CDH23: variants seen among roughly 807,000 people sequenced by gnomAD.
CDH23 encodes cadherin related 23.
Under a neutral mutation model 317.1 loss-of-function variants are expected in CDH23, and 189 were observed. The ratio of observed to expected loss-of-function variants is 0.60; its 90% CI spans 0.53 to 0.67. The LOEUF is 0.67. Ranked by LOEUF, CDH23 falls within the 30% of genes least tolerant of loss-of-function variation. The pLI, the probability that CDH23 is intolerant of heterozygous loss-of-function variation, is 0.00. For synonymous variants in CDH23, 1,839 were observed against 1,876.8 expected, an observed-to-expected ratio of 0.98 and a Z score of 0.52; for missense variants, 4,401 against 4,592.4, an observed-to-expected ratio of 0.96 and a Z score of 1.20.
At chr10:71,767,956 G>C (rs898355760) in intron 38 of CDH23, among the ~76,000 whole-genome samples, 1 of 152,178 alleles carries the variant, frequency 6.6e-6, no homozygotes, top group African/African-American at 2.4e-5. Flanking sequence ...GTCCCGGCCC[G>C]TGGATGCTTC....
chr10:71,409,393 G>T lies in CDH23; in HGVS notation c.-6+12075G>T, dbSNP rs181892607. 1.9e-3 allele frequency among the ~76,000 whole-genome samples: 294 copies of T among 152,292 alleles called. 2 individuals are homozygous for T. The South Asian group carries it at 0.028, about 15-fold the overall frequency. ...TAAACTCATTGTTTAAGAGCAAAGG[G>T]AACTGAGAGGAAACTGTACCGGGAG... On this transcript the variant is annotated intron_variant, in intron 1 of 69. Coordinates refer to ENST00000224721, the MANE Select transcript of CDH23 (RefSeq NM_022124.6).
chr10:71,444,025 G>A (rs1010178148), intron 2 of CDH23, among the ~76,000 whole-genome samples: 12 of 152,168 alleles, frequency 7.9e-5, no homozygotes, highest in African/African-American at 2.9e-4. Context: ...TTCCTCACTG[G>A]TTTCCTGGCC....
At chr10:71,652,885 C>A (rs770240998) in intron 14 of CDH23, among the ~76,000 whole-genome samples, 27 of 152,176 alleles carry the variant, frequency 1.8e-4, no homozygotes, top group South Asian at 8.3e-4. Context: ...TGGTTCAGGG[C>A]CTTCTGGGTT....
chr10:71,803,514 A>C (rs1054239310), intron 55 of CDH23, 94 bp downstream of exon 55: 5 of 1,177,146 alleles, frequency 4.2e-6, no homozygotes, highest in Non-Finnish European at 6.0e-6. Flanking sequence ...AAGGTGGGGA[A>C]ACTTGGCTTC....
intron 57 of CDH23, among the ~76,000 whole-genome samples, chr10:71,806,635 A>T (rs888175311): frequency 2.0e-5 from 3 of 148,886 alleles, no homozygotes; most frequent in African/African-American, 7.5e-5. Flanking sequence ...GCTGGAGTGC[A>T]GTGGCATGAC....
intron 11 of CDH23, among the ~76,000 whole-genome samples, chr10:71,629,315 G>C (rs1342469956): frequency 1.3e-5 from 2 of 152,254 alleles, no homozygotes; most frequent in Non-Finnish European, 1.5e-5. Flanking sequence ...TCCTGGGAGG[G>C]GCAGAACCAT....
intron 38 of CDH23, among the ~76,000 whole-genome samples, chr10:71,759,856 C>CACACATATATAT: frequency 9.0e-6 from 1 of 111,676 alleles, no homozygotes; most frequent in Non-Finnish European, 2.0e-5. Context: ...CATATACACA[C>CACACATATATAT]ACACACACAT....
At chr10:71,584,610 C>T (rs1201859737) in intron 9 of CDH23, among the ~76,000 whole-genome samples, 1 of 150,302 alleles carries the variant, frequency 6.7e-6, no homozygotes. Flanking sequence ...GTCAGACTTG[C>T]ACAACCTCAC....
intron 25 of CDH23, among the ~76,000 whole-genome samples, chr10:71,705,754 T>C (rs1865765132): frequency 6.6e-6 from 1 of 152,186 alleles, no homozygotes; most frequent in Non-Finnish European, 1.5e-5. Flanking sequence ...ACATGAGCTG[T>C]TGCCAAGGGG....
Position 71,784,284 on chromosome 10 carries a change from C to T in CDH23, c.5369-3C>T. 1 of 1,612,758 alleles carries T rather than the reference C, an allele frequency of 6.2e-7. No individual in the cohort carries two copies. The highest frequency in any genetic ancestry group is 1.1e-5 in the South Asian group (1 of 90,966). The stretch of plus-strand genomic sequence containing the variant: ...AACTTGGGCCTCTCCTGGTGACACC[C>T]AGGGGAGTTTGTGATCTCTCCTGTG... On this transcript the variant is annotated splice_polypyrimidine_tract_variant and splice_region_variant and intron_variant, in intron 41 of 69. Coordinates refer to ENST00000224721, the MANE Select transcript of CDH23 (RefSeq NM_022124.6).
At chr10:71,687,343 C>G (rs951399793) in intron 18 of CDH23, among the ~76,000 whole-genome samples, 1 of 152,112 alleles carries the variant, frequency 6.6e-6, no homozygotes, top group African/African-American at 2.4e-5. Context: ...CAGCGGGGAG[C>G]CTGGGGAGCT....
In CDH23 at chr10:71,460,325, G is replaced by A. The variant is rs949156937; in HGVS notation, c.145+13930G>A. On this transcript the variant is annotated intron_variant, in intron 3 of 69. Transcript: ENST00000224721. ...CCTCCAACCTTGGTCCCCTCTGGCC[G>A]TGTGCCCTTGGGCAAGGGAGAGGAT... 7.9e-5 allele frequency among the ~76,000 whole-genome samples: 12 copies of A among 152,364 alleles called. No homozygotes were observed. The South Asian group carries it at 1.4e-3, about 18-fold the overall frequency.
rs577257311 is a variant in CDH23, at chr10:71,756,780, C to T, written c.4845+14859C>T. On this transcript the variant is annotated intron_variant, in intron 38 of 69. Transcript: ENST00000224721. ...GGATACCTTGTCACAGTGTCAACTTCGCCCCAAAGAGCTCTGAGAGGTAAA... is the reference window on the plus strand; with the variant it reads ...GGATACCTTGTCACAGTGTCAACTTTGCCCCAAAGAGCTCTGAGAGGTAAA... Among the ~76,000 whole-genome samples the T allele has an allele frequency of 1.3e-3, 196 of 152,310 alleles. 1 individual carries two copies. The highest frequency in any genetic ancestry group is 2.4e-3 in the Non-Finnish European group (160 of 68,038).
rs1841459813 is a variant in CDH23, at chr10:71,798,343, C to T, written c.6830-11C>T. The stretch of plus-strand genomic sequence containing the variant: ...CCTTCCCCTCTCCCTCACTCCCTGC[C>T]TCCACCACAGCCAAGCTGACTGTCA... On this transcript the variant is annotated splice_polypyrimidine_tract_variant and intron_variant, in intron 49 of 69. Transcript: ENST00000224721. The T allele has an allele frequency of 6.8e-6, 11 of 1,607,024 alleles. No homozygotes were observed. The East Asian group carries it at 2.2e-4, about 33-fold the overall frequency.
Position 71,709,127 on chromosome 10 carries a change from G to A in CDH23, c.3136G>A (p.Gly1046Ser), listed in dbSNP as rs765847681. ...CAACGTGGATGGGAAGTTCAGCGTG[G>A]GTTACCGCGATGCCGTTGTGAGAAC... ...GGNVDGKFSV[G>S]YRDAVVRTVV... is the part of the protein sequence containing the mutation. The change falls in exon 27 of 70, where the codon GGT becomes AGT. Residue 1046 changes from glycine (G) to serine (S), a missense_variant. By Grantham distance (56) the Gly-to-Ser change is moderately conservative. Around this residue, in one of 3 missense-constraint regions of CDH23, gnomAD observed 3,068 missense variants for 3,203.3 expected, o/e 0.96. Coordinates refer to ENST00000224721, the MANE Select transcript of CDH23 (RefSeq NM_022124.6). 26 of 1,613,962 alleles carry A rather than the reference G, an allele frequency of 1.6e-5. No individual in the cohort carries two copies. The highest frequency in any genetic ancestry group is 1.4e-4 in the South Asian group (13 of 91,090).
intron 14 of CDH23, among the ~76,000 whole-genome samples, chr10:71,670,051 T>C (rs199560371): frequency 6.6e-6 from 1 of 152,224 alleles, no homozygotes; most frequent in East Asian, 1.9e-4. Flanking sequence ...GGTCACTGTT[T>C]TCATGAAGGT....
intron 27 of CDH23, among the ~76,000 whole-genome samples, chr10:71,709,598 C>T (rs904073468): frequency 6.6e-6 from 1 of 152,146 alleles, no homozygotes; most frequent in African/African-American, 2.4e-5. Context: ...TGAGTTAGGA[C>T]CCTTTCAGTT....
Position 71,566,897 on chromosome 10 carries a change from C to G in CDH23, c.585C>G (p.Tyr195Ter). 1 of 1,613,716 alleles carries G rather than the reference C, an allele frequency of 6.2e-7. No individual in the cohort carries two copies. Among genetic ancestry groups the G allele is most frequent in the Non-Finnish European group, 8.5e-7 (1 of 1,179,892 alleles). The stretch of plus-strand genomic sequence containing the variant: ...TCACAGTGATCCGGGAGCTGGACTA[C>G]GAGACCACACAGGCCTACCAGCTCA... ...GIVTVIRELD[Y>*]ETTQAYQLTV... Residue 195 changes from tyrosine (Y) to a stop codon, truncating the protein, a stop_gained, in exon 7 of 70, where the codon TAC becomes TAG. Coordinates refer to ENST00000224721, the MANE Select transcript of CDH23 (RefSeq NM_022124.6). LOFTEE classifies it high-confidence loss of function.
intron 28 of CDH23, chr10:71,713,244 G>A: frequency 1.3e-6 from 1 of 779,384 alleles, no homozygotes; most frequent in Non-Finnish European, 2.4e-6. Context: ...ACAGGCACAA[G>A]AAGAAAGGGC....
Sources: allele counts gnomAD v4.1 joint callset (sites outside exome capture counted in the v4.1 genomes callset), GRCh38; gene constraint gnomAD v4.1.1; regional missense constraint gnomAD v4.1.1; transcripts MANE v1.5; gene names NCBI Gene and HGNC (gene_info 2026-07-23, HGNC 2026-07-21).